PARD3B: variants seen among roughly 807,000 people sequenced by gnomAD.
The protein encoded by PARD3B is partitioning defective 3 homolog B.
In PARD3B, 103 loss-of-function variants were observed where a neutral mutation model predicts 130.2. That is an observed-to-expected ratio of 0.79 (90% confidence interval 0.67 to 0.93). The LOEUF is 0.93. PARD3B is among the 40% of genes least tolerant of loss of function. The pLI, the probability that PARD3B is intolerant of heterozygous loss-of-function variation, is 0.00. For synonymous variants in PARD3B, 583 were observed against 553.2 expected (o/e 1.05, Z -0.76); for missense variants, 1,609 against 1,499.2 (o/e 1.07, Z -1.21).
chr2:205,211,762 G>A (rs1445945136), intron 15 of PARD3B, among the ~76,000 whole-genome samples: 1 of 152,090 alleles, frequency 6.6e-6, no homozygotes, highest in Non-Finnish European at 1.5e-5. Context: ...AAGACTGATG[G>A]TTTTAAGTGG....
chr2:204,573,625 G>T (rs1229309049), intron 1 of PARD3B, among the ~76,000 whole-genome samples: 1 of 152,210 alleles, frequency 6.6e-6, no homozygotes, highest in Non-Finnish European at 1.5e-5. Context: ...ATTCTGCTCT[G>T]TAGGGTGAGT....
Position 205,142,392 on chromosome 2 carries a change from C to T in PARD3B, c.1435-16330C>T, listed in dbSNP as rs987800516. 2.0e-5 allele frequency among the ~76,000 whole-genome samples: 3 copies of T among 152,042 alleles called. No individual in the cohort carries two copies. Among genetic ancestry groups the T allele is most frequent in the African/African-American group, 4.8e-5 (2 of 41,404 alleles). ...TAGATAAGATGAAAGACATAGTAGT[C>T]GCTTTTGGGAGGGAACTTAAATACA... On this transcript the variant is annotated intron_variant, in intron 10 of 22. Coordinates refer to ENST00000406610, the MANE Select transcript of PARD3B (RefSeq NM_001302769.2). This position sits in a 1 kb window ranked among gnomAD's most constrained non-coding sequence, Gnocchi z 4.3.
chr2:204,844,234 G>A (rs534596886), intron 2 of PARD3B, among the ~76,000 whole-genome samples: 1 of 152,026 alleles, frequency 6.6e-6, no homozygotes, highest in Non-Finnish European at 1.5e-5. Flanking sequence ...CTGTACAAAA[G>A]TTACTTAGCC....
chr2:205,400,305 AC>A (rs1284578400), intron 18 of PARD3B, among the ~76,000 whole-genome samples: 1 of 152,124 alleles, frequency 6.6e-6, no homozygotes, highest in Non-Finnish European at 1.5e-5. Context: ...GTCGACACAT[AC>A]AAAGGGAATC....
At chr2:204,992,168 A>G (rs1334567168) in intron 3 of PARD3B, among the ~76,000 whole-genome samples, 1 of 149,954 alleles carries the variant, frequency 6.7e-6, no homozygotes, top group Non-Finnish European at 1.5e-5. Context: ...TATGTCCTGA[A>G]TGGTAATGCC....
chr2:205,615,175 C>T (rs1329908302), intron 22 of PARD3B, among the ~76,000 whole-genome samples: 1 of 152,212 alleles, frequency 6.6e-6, no homozygotes, highest in Non-Finnish European at 1.5e-5. Context: ...GGCTCCATGG[C>T]AACGGGGACC....
intron 10 of PARD3B, among the ~76,000 whole-genome samples, chr2:205,153,077 T>A (rs990756425): frequency 2.0e-5 from 3 of 152,222 alleles, no homozygotes; most frequent in Non-Finnish European, 4.4e-5. Flanking sequence ...TGCCTGGGTA[T>A]CACCAGCAGA....
At chr2:205,054,196 T>C (rs140755636) in intron 4 of PARD3B, among the ~76,000 whole-genome samples, 1 of 151,824 alleles carries the variant, frequency 6.6e-6, no homozygotes, top group East Asian at 1.9e-4. Context: ...TTTTTCACCA[T>C]ATCTCAGCAG....
rs181832579 is a variant in PARD3B, at chr2:204,630,067, T to C, written c.121-56114T>C. 7.1e-3 allele frequency among the ~76,000 whole-genome samples: 1,086 copies of C among 152,302 alleles called. 4 individuals carry two copies. Among genetic ancestry groups the C allele is most frequent in the Non-Finnish European group, 0.012 (830 of 68,030 alleles). ...CTGCCACTGTTTACTTTCTATGCCT[T>C]GAAACAAGATCTTAAATTCTTGAGC... On this transcript the variant is annotated intron_variant, in intron 1 of 22. Transcript: ENST00000406610.
chr2:204,589,378 G>A (rs1045171369), intron 1 of PARD3B, among the ~76,000 whole-genome samples: 3 of 152,166 alleles, frequency 2.0e-5, no homozygotes, highest in African/African-American at 7.2e-5. Flanking sequence ...ATAGGACAAA[G>A]TCACTAACAG....
intron 1 of PARD3B, among the ~76,000 whole-genome samples, chr2:204,575,345 T>G (rs1247581680): frequency 6.6e-6 from 1 of 152,238 alleles, no homozygotes; most frequent in African/African-American, 2.4e-5. Flanking sequence ...TTTAAAAATT[T>G]AGACATTAAG....
intron 18 of PARD3B, among the ~76,000 whole-genome samples, chr2:205,304,375 C>A (rs1462122473): frequency 6.6e-6 from 1 of 152,146 alleles, no homozygotes; most frequent in Non-Finnish European, 1.5e-5. Context: ...GTGGCCCAAG[C>A]CTGTAATCCC....
chr2:205,186,406 A>G (rs1350008770), intron 14 of PARD3B, among the ~76,000 whole-genome samples: 1 of 152,196 alleles, frequency 6.6e-6, no homozygotes, highest in Admixed American at 6.5e-5. Context: ...AATGAGAGAG[A>G]TTTACTAAGC....
chr2:204,851,292 T>G (rs1160228442), intron 2 of PARD3B, among the ~76,000 whole-genome samples: 4 of 152,186 alleles, frequency 2.6e-5, no homozygotes, highest in African/African-American at 9.6e-5. Flanking sequence ...AGTTTGCTAT[T>G]TGTAAGCCCT....
At chr2:205,423,537 G>A (rs2047044086) in intron 19 of PARD3B, among the ~76,000 whole-genome samples, 1 of 152,160 alleles carries the variant, frequency 6.6e-6, no homozygotes, top group African/African-American at 2.4e-5. Context: ...ATTCTATATG[G>A]TTTCTCCAGA....
intron 2 of PARD3B, among the ~76,000 whole-genome samples, chr2:204,803,479 C>G (rs1370781100): frequency 2.6e-5 from 4 of 151,850 alleles, no homozygotes; most frequent in Non-Finnish European, 5.9e-5. Context: ...AACAACTTTT[C>G]AAGAAATAGA....
At chr2:205,535,235 G>GC (rs2051794353) in intron 21 of PARD3B, among the ~76,000 whole-genome samples, 1 of 152,178 alleles carries the variant, frequency 6.6e-6, no homozygotes, top group Non-Finnish European at 1.5e-5. Context: ...AGACATCTAA[G>GC]CCCGGTCTTT....
chr2:204,580,239 A>G (rs1165361134), intron 1 of PARD3B, among the ~76,000 whole-genome samples: 1 of 150,314 alleles, frequency 6.7e-6, no homozygotes, highest in Non-Finnish European at 1.5e-5. Context: ...CTTTATTTCT[A>G]GGGGTACTTT....
rs764178548 is a variant in PARD3B, at chr2:205,562,022, G to T, written c.3260+8619G>T. On this transcript the variant is annotated intron_variant, in intron 22 of 22. Transcript: ENST00000406610. This position sits in a 1 kb window ranked among gnomAD's most constrained non-coding sequence, Gnocchi z 5.4. ...AAGGACAAAATGATGAATTAGCAGC[G>T]ATTTAATTCTTTGTGAGATTAAGAT... 6.6e-6 allele frequency among the ~76,000 whole-genome samples: 1 copy of T among 152,090 alleles called. No homozygotes were observed. The highest frequency in any genetic ancestry group is 6.6e-5 in the Admixed American group (1 of 15,264).
Sources: allele counts gnomAD v4.1 joint callset (sites outside exome capture counted in the v4.1 genomes callset), GRCh38; gene constraint gnomAD v4.1.1; non-coding constraint Gnocchi (gnomAD v3.1); transcripts MANE v1.5; gene names NCBI Gene and HGNC (gene_info 2026-07-23, HGNC 2026-07-21).